COL7A1: variants seen among roughly 807,000 people sequenced by gnomAD.
COL7A1 encodes collagen alpha-1(VII) chain.
COL7A1 carries 296 observed loss-of-function variants against 456.2 expected under a neutral mutation model. The observed-to-expected ratio is 0.65, with a 90% CI of 0.59 to 0.71. The LOEUF is 0.71. Ranked by LOEUF, COL7A1 falls within the 30% of genes least tolerant of loss-of-function variation. COL7A1 has a pLI of 0.00. For missense variants in COL7A1, 3,441 were observed against 4,017.2 expected, an observed-to-expected ratio of 0.86 and a Z score of 3.88; for synonymous variants, 1,464 against 1,525.9, an observed-to-expected ratio of 0.96 and a Z score of 0.95.
Position 48,574,380 on chromosome 3 carries a change from G to T in COL7A1, c.6457-74C>A. On this transcript the variant is annotated intron_variant, in intron 79 of 118. Coordinates refer to ENST00000681320, the MANE Select transcript of COL7A1 (RefSeq NM_000094.4). This position sits in a 1 kb window ranked among gnomAD's most constrained non-coding sequence, Gnocchi z 5.0. ...TCCACCCACCATCCCCCTAGACAGA[G>T]TCAGGACCCAGACAGTCCCAGGCAG... 1 of 1,612,962 alleles carries T rather than the reference G, an allele frequency of 6.2e-7. No individual in the cohort carries two copies. Among genetic ancestry groups the T allele is most frequent in the Non-Finnish European group, 8.5e-7 (1 of 1,179,034 alleles).
At position 48,586,501 on chromosome 3, in the gene COL7A1, AC is replaced by A; in HGVS notation, c.3404-24del. On this transcript the variant is annotated intron_variant, in intron 26 of 118. Transcript: ENST00000681320. The surrounding 1 kb of genome is among the most constrained non-coding windows in gnomAD (Gnocchi z 5.1). ...TGCCTGGAAGGAAGGACATGTCAGA[AC>A]CCTGGGGCACCAAGCTCCCAGTGGA... is the stretch of plus-strand genomic sequence containing the variant. 1 of 1,613,586 alleles carries A rather than the reference AC, an allele frequency of 6.2e-7. No homozygotes were observed. The highest frequency in any genetic ancestry group is 1.1e-5 in the South Asian group (1 of 91,072).
chr3:48,575,362 C>G lies in COL7A1; in HGVS notation c.6157G>C (p.Glu2053Gln). 6.2e-7 allele frequency: 1 copy of G among 1,612,204 alleles called. No homozygotes were observed. The highest frequency in any genetic ancestry group is 8.5e-7 in the Non-Finnish European group (1 of 1,179,300). Residue 2053 changes from glutamate to glutamine, a missense_variant, in exon 74 of 119, where the codon GAG becomes CAG. Glu to Gln is a conservative substitution (Grantham distance 29, BLOSUM62 2). Around this residue, in one of 3 missense-constraint regions of COL7A1, gnomAD observed 2,084 missense variants for 2,501.3 expected, o/e 0.83. Coordinates refer to ENST00000681320, the MANE Select transcript of COL7A1 (RefSeq NM_000094.4). This position sits in a 1 kb window ranked among gnomAD's most constrained non-coding sequence, Gnocchi z 6.3. ...GLPGRAGGVG[E>Q]AGRPGERGER... ...ACCCTCTCTCCTGGCCTTCCTGCCT[C>G]TCCCACACCCCCAGCCCTGCCTGGG...
At position 48,588,491 on chromosome 3, in the gene COL7A1, C is replaced by T; in HGVS notation, c.2588-87G>A. ...GCCCACCCTGGCACACGCACCCCGC[C>T]CAGCCTCTCAGACCCCTCTCCCTCC... is the stretch of plus-strand genomic sequence containing the variant. On this transcript the variant is annotated intron_variant, in intron 20 of 118. Transcript: ENST00000681320. This position sits in a 1 kb window ranked among gnomAD's most constrained non-coding sequence, Gnocchi z 4.6. 1 of 1,596,018 alleles carries T rather than the reference C, an allele frequency of 6.3e-7. No homozygotes were observed. Among genetic ancestry groups the T allele is most frequent in the Admixed American group, 1.7e-5 (1 of 59,092 alleles).
At position 48,566,542 on chromosome 3, in the gene COL7A1, G is replaced by A. The variant is rs769709093; in HGVS notation, c.8326C>T (p.Pro2776Ser). ...GEQGRPGPAG[P>S]RGEKGEAALT... ...GCAGCTTCTCCCTTCTCGCCTCGAG[G>A]ACCGGCAGGCCCTGGCCGCCCCTAT... Residue 2776 changes from proline (P) to serine (S), a missense_variant, in exon 113 of 119, where the codon CCT becomes TCT. Physicochemically the swap from Pro to Ser is moderately conservative, Grantham distance 74 (BLOSUM62 -1). Transcript: ENST00000681320. This position sits in a 1 kb window ranked among gnomAD's most constrained non-coding sequence, Gnocchi z 5.9. 6.2e-7 allele frequency: 1 copy of A among 1,614,144 alleles called. No homozygotes were observed. Among genetic ancestry groups the A allele is most frequent in the Non-Finnish European group, 8.5e-7 (1 of 1,180,022 alleles).
chr3:48,586,229 A>G lies in COL7A1; in HGVS notation c.3568T>C (p.Leu1190=), dbSNP rs780413417. The G allele has an allele frequency of 4.3e-6, 7 of 1,613,480 alleles. No individual in the cohort carries two copies. The highest frequency in any genetic ancestry group is 2.7e-5 in the African/African-American group (2 of 74,900). The change falls in exon 28 of 119, where the codon TTG becomes CTG. Residue 1190 remains leucine (L), a synonymous_variant. Coordinates refer to ENST00000681320, the MANE Select transcript of COL7A1 (RefSeq NM_000094.4). This position sits in a 1 kb window ranked among gnomAD's most constrained non-coding sequence, Gnocchi z 5.1. ...TCTGGGTCCGCTCCAGCCATTCCCA[A>G]CATCACCACATTAAGCCCTAAGGTG... ...AQASGLNVVM[L]GMAGADPEQL...
chr3:48,594,342 C>A lies in COL7A1; in HGVS notation c.266+26G>T, dbSNP rs1392852809. Reference sequence around the variant, plus strand: ...GGAGTCTTGGTGGGGATCTCGTGGTCCCCAGCCCCCAGGGCCCCTACTCAC... The same window carrying A: ...GGAGTCTTGGTGGGGATCTCGTGGTACCCAGCCCCCAGGGCCCCTACTCAC... On this transcript the variant is annotated intron_variant, in intron 3 of 118. Transcript: ENST00000681320. This position sits in a 1 kb window ranked among gnomAD's most constrained non-coding sequence, Gnocchi z 5.5. 1 of 1,604,166 alleles carries A rather than the reference C, an allele frequency of 6.2e-7. No homozygotes were observed. The highest frequency in any genetic ancestry group is 1.1e-5 in the South Asian group (1 of 90,734).
chr3:48,581,195 C>G lies in COL7A1; in HGVS notation c.4900-38G>C, dbSNP rs1477010576. ...AGAGTCAGCCCTGGTTCCAAGAACC[C>G]CCATGATGCTGGCAACAGCCCTACT... On this transcript the variant is annotated intron_variant, in intron 52 of 118. Transcript: ENST00000681320. The surrounding 1 kb of genome is among the most constrained non-coding windows in gnomAD (Gnocchi z 5.8). 1.9e-6 allele frequency: 3 copies of G among 1,612,876 alleles called. No individual in the cohort carries two copies. Among genetic ancestry groups the G allele is most frequent in the Admixed American group, 1.7e-5 (1 of 59,872 alleles).
At position 48,572,334 on chromosome 3, in the gene COL7A1, G is replaced by A. The variant is rs1487973423; in HGVS notation, c.6978+46C>T. 1 of 1,613,884 alleles carries A rather than the reference G, an allele frequency of 6.2e-7. No homozygotes were observed. Among genetic ancestry groups the A allele is most frequent in the African/African-American group, 1.3e-5 (1 of 74,854 alleles). ...GAAGGTCAGAAGTTAGGCCACTGGAGAGACAGGACCCCCAGAACATCTGCT... is the reference window on the plus strand; with the variant it reads ...GAAGGTCAGAAGTTAGGCCACTGGAAAGACAGGACCCCCAGAACATCTGCT... On this transcript the variant is annotated intron_variant, in intron 90 of 118. Coordinates refer to ENST00000681320, the MANE Select transcript of COL7A1 (RefSeq NM_000094.4). The surrounding 1 kb of genome is among the most constrained non-coding windows in gnomAD (Gnocchi z 4.6).
In COL7A1 at chr3:48,581,458, G is replaced by A. The variant is rs1172231588; in HGVS notation, c.4808C>T (p.Ala1603Val). The A allele has an allele frequency of 1.2e-6, 2 of 1,614,040 alleles. No homozygotes were observed. The highest frequency in any genetic ancestry group is 1.7e-5 in the Admixed American group (1 of 60,028). ...GTAACGGGTACTCACTGGGGGTCCT[G>A]CTCTGCCAGTAAGGCCAATGGGACC... ...DRGPIGLTGR[A>V]GPPGDSGPPG... is the part of the protein sequence containing the mutation. The change falls in exon 51 of 119, where the codon GCA (alanine) becomes GTA (valine). Residue 1603 changes from alanine (A) to valine (V), a missense_variant. Ala to Val is a moderately conservative substitution (Grantham distance 64). Around this residue, in one of 3 missense-constraint regions of COL7A1, gnomAD observed 2,084 missense variants for 2,501.3 expected, o/e 0.83. Coordinates refer to ENST00000681320, the MANE Select transcript of COL7A1 (RefSeq NM_000094.4). This position sits in a 1 kb window ranked among gnomAD's most constrained non-coding sequence, Gnocchi z 5.8.
Position 48,593,813 on chromosome 3 carries a change from G to C in COL7A1, c.267-117C>G. 1 of 1,259,028 alleles carries C rather than the reference G, an allele frequency of 7.9e-7. No homozygotes were observed. Among genetic ancestry groups the C allele is most frequent in the Non-Finnish European group, 1.2e-6 (1 of 866,616 alleles). The allele number at this position is 1,259,028 out of a possible 1,614,324, so 78.0% of individuals were successfully genotyped here. ...TCAGGCTCTCTTGAGGGGTCCCTTC[G>C]TTCTGTCATTCTCCACACCCACTTG... On this transcript the variant is annotated intron_variant, in intron 3 of 118. Coordinates refer to ENST00000681320, the MANE Select transcript of COL7A1 (RefSeq NM_000094.4). This position sits in a 1 kb window ranked among gnomAD's most constrained non-coding sequence, Gnocchi z 4.4.
Position 48,587,568 on chromosome 3 carries a change from G to A in COL7A1, c.2858-14C>T, listed in dbSNP as rs938135504. On this transcript the variant is annotated splice_polypyrimidine_tract_variant and intron_variant, in intron 22 of 118. Transcript: ENST00000681320. The surrounding 1 kb of genome is among the most constrained non-coding windows in gnomAD (Gnocchi z 6.1). ...CACGAGGTGACTCTGAAGGAGGAAT[G>A]AAAGATCGAGGATCAGAGGCTGAGT... The A allele has an allele frequency of 6.2e-7, 1 of 1,613,336 alleles. No homozygotes were observed. The highest frequency in any genetic ancestry group is 1.3e-5 in the African/African-American group (1 of 74,934).
chr3:48,575,073 AG>A lies in COL7A1; in HGVS notation c.6269del (p.Pro2090LeufsTer116), dbSNP rs2044195570. On this transcript the variant is annotated frameshift_variant, in exon 76 of 119. Coordinates refer to ENST00000681320, the MANE Select transcript of COL7A1 (RefSeq NM_000094.4). LOFTEE classifies it high-confidence loss of function. The surrounding 1 kb of genome is among the most constrained non-coding windows in gnomAD (Gnocchi z 6.3). The stretch of plus-strand genomic sequence containing the variant: ...GGGATGGGGTGATCACCTTGGGGCC[AG>A]GGGGTCCGGGGGGCCCAGGGGTTCC... ...LPGTPGPPGP[P>X]GPKVSVDEPG... 8.1e-6 allele frequency: 13 copies of A among 1,612,918 alleles called. No homozygotes were observed. The highest frequency in any genetic ancestry group is 1.1e-5 in the Non-Finnish European group (13 of 1,179,192).
Position 48,587,567 on chromosome 3 carries a change from T to C in COL7A1, c.2858-13A>G. 6.2e-7 allele frequency: 1 copy of C among 1,613,360 alleles called. No individual in the cohort carries two copies. The highest frequency in any genetic ancestry group is 8.5e-7 in the Non-Finnish European group (1 of 1,180,006). ...ACACGAGGTGACTCTGAAGGAGGAA[T>C]GAAAGATCGAGGATCAGAGGCTGAG... On this transcript the variant is annotated splice_polypyrimidine_tract_variant and intron_variant, in intron 22 of 118. Coordinates refer to ENST00000681320, the MANE Select transcript of COL7A1 (RefSeq NM_000094.4). This position sits in a 1 kb window ranked among gnomAD's most constrained non-coding sequence, Gnocchi z 6.1.
In COL7A1 at chr3:48,565,078, C is replaced by G. The variant is rs1036649782; in HGVS notation, c.8620+31G>C. On this transcript the variant is annotated intron_variant, in intron 117 of 118. Coordinates refer to ENST00000681320, the MANE Select transcript of COL7A1 (RefSeq NM_000094.4). The surrounding 1 kb of genome is among the most constrained non-coding windows in gnomAD (Gnocchi z 4.5). ...AGGGCTCAGCCCTGCCTGCCCCTCCCCAGACCCCGCTGGCAGCCCCCCATT... is the reference window on the plus strand; with the variant it reads ...AGGGCTCAGCCCTGCCTGCCCCTCCGCAGACCCCGCTGGCAGCCCCCCATT... The G allele has an allele frequency of 6.7e-7, 1 of 1,488,186 alleles. No homozygotes were observed. Among genetic ancestry groups the G allele is most frequent in the Admixed American group, 2.1e-5 (1 of 47,078 alleles). 92.2% of individuals were successfully genotyped at this position (1,488,186 alleles called of 1,614,324 possible). A position where few individuals can be genotyped will look rare whatever the true frequency, so the allele number is the denominator to read the frequency against.
chr3:48,595,291 G>T lies in COL7A1; in HGVS notation c.-25C>A, dbSNP rs551971360. 2.7e-6 allele frequency: 2 copies of T among 731,348 alleles called. No homozygotes were observed. Among genetic ancestry groups the T allele is most frequent in the African/African-American group, 3.5e-5 (2 of 57,444 alleles). 45.3% of individuals were successfully genotyped at this position (731,348 alleles called of 1,614,324 possible). On this transcript the variant is annotated 5_prime_UTR_variant, in exon 1 of 119. Transcript: ENST00000681320. Reference sequence around the variant, plus strand: ...GCCTGCGCGTCCGCCCGCTCCCGCCGCCGCCGCTGCAGTCTCTCGGGCAGA... The same window carrying T: ...GCCTGCGCGTCCGCCCGCTCCCGCCTCCGCCGCTGCAGTCTCTCGGGCAGA...
chr3:48,594,517 A>C lies in COL7A1; in HGVS notation c.117T>G (p.Ile39Met). ...VTCTRLYAAD[I>M]VFLLDGSSSI... is the part of the protein sequence containing the mutation. ...ATGAGGAGCCATCCAGTAAGAACAC[A>C]ATGTCAGCGGCGTAAAGGCGCGTGC... is the stretch of plus-strand genomic sequence containing the variant. Residue 39 changes from isoleucine to methionine, a missense_variant, in exon 3 of 119, where the codon ATT becomes ATG. Transcript: ENST00000681320. The surrounding 1 kb of genome is among the most constrained non-coding windows in gnomAD (Gnocchi z 5.5). 2 of 1,611,048 alleles carry C rather than the reference A, an allele frequency of 1.2e-6. No homozygotes were observed. Among genetic ancestry groups the C allele is most frequent in the Non-Finnish European group, 1.7e-6 (2 of 1,179,626 alleles).
Position 48,588,199 on chromosome 3 carries a change from A to G in COL7A1, c.2710+83T>C. ...CCCCCAGTGACAGACCCCGCCCACC[A>G]TCACTGTCCTCGCCTACCTTGCGGA... On this transcript the variant is annotated intron_variant, in intron 21 of 118. Transcript: ENST00000681320. The surrounding 1 kb of genome is among the most constrained non-coding windows in gnomAD (Gnocchi z 4.6). The G allele has an allele frequency of 6.2e-7, 1 of 1,602,728 alleles. No individual in the cohort carries two copies. The highest frequency in any genetic ancestry group is 8.5e-7 in the Non-Finnish European group (1 of 1,173,644).
chr3:48,570,778 A>G lies in COL7A1; in HGVS notation c.7273-68T>C, dbSNP rs879244875. 84 of 1,558,102 alleles carry G rather than the reference A, an allele frequency of 5.4e-5. No homozygotes were observed. In the Middle Eastern group the frequency reaches 1.0e-3, roughly 19 times the overall value. The stretch of plus-strand genomic sequence containing the variant: ...AACCCTCCTACCCTCTGCCCCCTCA[A>G]GACTGGGAACCCCCAAGGCAGGGCC... On this transcript the variant is annotated intron_variant, in intron 95 of 118. Coordinates refer to ENST00000681320, the MANE Select transcript of COL7A1 (RefSeq NM_000094.4). This position sits in a 1 kb window ranked among gnomAD's most constrained non-coding sequence, Gnocchi z 5.5.
Position 48,564,985 on chromosome 3 carries a change from G to A in COL7A1, c.8621-5C>T, listed in dbSNP as rs2107625767. On this transcript the variant is annotated splice_polypyrimidine_tract_variant and splice_region_variant and intron_variant, in intron 117 of 118. Coordinates refer to ENST00000681320, the MANE Select transcript of COL7A1 (RefSeq NM_000094.4). The surrounding 1 kb of genome is among the most constrained non-coding windows in gnomAD (Gnocchi z 6.0). ...CCAGTGGCAGGGAACAGGGGTCTGG[G>A]CCAATGGGGTCAAGTCAGCAGGGTT... 1.2e-6 allele frequency: 2 copies of A among 1,614,160 alleles called. No individual in the cohort carries two copies. The highest frequency in any genetic ancestry group is 1.7e-6 in the Non-Finnish European group (2 of 1,180,006).
Sources: gnomAD v4.1 joint callset for allele counts on GRCh38, gnomAD v4.1.1 for gene constraint, gnomAD v4.1.1 regional missense constraint, Gnocchi (gnomAD v3.1) non-coding constraint, MANE v1.5 for transcripts, NCBI Gene and HGNC (gene_info 2026-07-23, HGNC 2026-07-21) for gene names.